STAT4: variants seen among roughly 807,000 people sequenced by gnomAD.
STAT4 encodes the protein signal transducer and activator of transcription 4.
Under a neutral mutation model 110.5 loss-of-function variants are expected in STAT4, and 42 were observed. That is an observed-to-expected ratio of 0.38 (90% confidence interval 0.30 to 0.49). STAT4 has a LOEUF of 0.49. Among genes scored for constraint, STAT4 ranks in the 20% least tolerant of loss-of-function variants. The pLI is 0.95. For synonymous variants in STAT4, 284 were observed against 302.2 expected (o/e 0.94, Z 0.63); for missense variants, 632 against 887.9 (o/e 0.71, Z 3.66).
Position 191,069,784 on chromosome 2 carries a change from G to GA in STAT4, c.466-14dup. On this transcript the variant is annotated splice_polypyrimidine_tract_variant and intron_variant, in intron 5 of 23. Coordinates refer to ENST00000392320, the MANE Select transcript of STAT4 (RefSeq NM_003151.4). ...CTTGTTCTGTCATCTTTTCACAAAA[G>GA]AAAACATACTCACTCTGCTGTCACA... 6.3e-7 allele frequency: 1 copy of GA among 1,590,128 alleles called. No individual in the cohort carries two copies. Among genetic ancestry groups the GA allele is most frequent in the Non-Finnish European group, 8.6e-7 (1 of 1,165,412 alleles).
At chr2:191,069,120 G>A (rs1331147787) in intron 6 of STAT4, among the ~76,000 whole-genome samples, 1 of 151,920 alleles carries the variant, frequency 6.6e-6, no homozygotes, top group Non-Finnish European at 1.5e-5. Flanking sequence ...TAAATACATA[G>A]ATGTGTATGT....
chr2:191,048,683 G>A (rs1418813073), intron 14 of STAT4, among the ~76,000 whole-genome samples: 2 of 150,728 alleles, frequency 1.3e-5, no homozygotes, highest in South Asian at 2.1e-4. Flanking sequence ...CTACTCAGGA[G>A]GCTGAGGCAG....
intron 3 of STAT4, among the ~76,000 whole-genome samples, chr2:191,133,816 T>C (rs1005233665): frequency 1.3e-5 from 2 of 150,100 alleles, no homozygotes; most frequent in Non-Finnish European, 2.9e-5. Context: ...AACTTACTCC[T>C]ACACAAAATC....
At chr2:191,047,162 G>C (rs1696375679) in intron 14 of STAT4, among the ~76,000 whole-genome samples, 1 of 152,226 alleles carries the variant, frequency 6.6e-6, no homozygotes, top group South Asian at 2.1e-4. Flanking sequence ...GTGCTAGGAG[G>C]GTGGCGCACC....
At chr2:191,128,839 A>AT (rs1292588216) in intron 3 of STAT4, among the ~76,000 whole-genome samples, 3 of 152,144 alleles carry the variant, frequency 2.0e-5, no homozygotes, top group East Asian at 3.8e-4. Flanking sequence ...ATTGATAGAG[A>AT]TTTTTTTATT....
rs12991409 is a variant in STAT4 at position 191,144,791 on chromosome 2, T to C, written c.273+1822A>G. Among the ~76,000 whole-genome samples, 12,359 of 152,202 alleles carry C rather than the reference T, an allele frequency of 0.081. 550 individuals are homozygous for C. The highest frequency in any genetic ancestry group is 0.18 in the East Asian group (923 of 5,176). ...ACCTACCAACAATAAGAATCATTTA[T>C]TGAATGCCTACATCTTGCCAGAAGA... On this transcript the variant is annotated intron_variant, in intron 3 of 23. Transcript: ENST00000392320. This position sits in a 1 kb window ranked among gnomAD's most constrained non-coding sequence, Gnocchi z 4.7.
Position 191,099,243 on chromosome 2 carries a change from G to A in STAT4, c.274-22918C>T, listed in dbSNP as rs547596655. ...TTGTTAATGAAGATATGGGGATGAG[G>A]GTCCTAGTACACTTTGCTGATGGAA... is the stretch of plus-strand genomic sequence containing the variant. On this transcript the variant is annotated intron_variant, in intron 3 of 23. Coordinates refer to ENST00000392320, the MANE Select transcript of STAT4 (RefSeq NM_003151.4). This position sits in a 1 kb window ranked among gnomAD's most constrained non-coding sequence, Gnocchi z 4.1. Among the ~76,000 whole-genome samples, 132 of 152,064 alleles carry A rather than the reference G, an allele frequency of 8.7e-4. No individual in the cohort carries two copies. Among genetic ancestry groups the A allele is most frequent in the Non-Finnish European group, 1.5e-3 (105 of 67,948 alleles).
At position 191,029,847 on chromosome 2, in the gene STAT4, G is replaced by A. The variant is rs768437698; in HGVS notation, c.2240C>T (p.Ala747Val). ...GCGTCAGAGTTTATCCTGTCATTCA[G>A]CAGAATAAGGAGACTTCATCTAAAA... Reference protein sequence around the residue: ...IETAMKSPYSAE With the variant: ...IETAMKSPYSVE Residue 747 changes from alanine to valine, a missense_variant, in exon 24 of 24, where the codon GCT (alanine) becomes GTT (valine). Transcript: ENST00000392320. The surrounding 1 kb of genome is among the most constrained non-coding windows in gnomAD (Gnocchi z 4.5). 1 of 1,597,766 alleles carries A rather than the reference G, an allele frequency of 6.3e-7. No individual in the cohort carries two copies. Among genetic ancestry groups the A allele is most frequent in the East Asian group, 2.3e-5 (1 of 44,328 alleles).
chr2:191,148,771 A>G (rs1361086553), intron 1 of STAT4, among the ~76,000 whole-genome samples: 1 of 152,128 alleles, frequency 6.6e-6, no homozygotes, highest in Non-Finnish European at 1.5e-5. Context: ...GAAGAATTTT[A>G]TGTATGCATT....
chr2:191,033,199 T>G lies in STAT4; in HGVS notation c.1853-50A>C. 1.3e-6 allele frequency: 2 copies of G among 1,561,110 alleles called. No homozygotes were observed. Among genetic ancestry groups the G allele is most frequent in the Non-Finnish European group, 1.7e-6 (2 of 1,149,030 alleles). Reference sequence around the variant, plus strand: ...TATACAGGTTCCTGTACACATTCCTTGTGACCATTTCTTCCCTGCCCACAT... The same window carrying G: ...TATACAGGTTCCTGTACACATTCCTGGTGACCATTTCTTCCCTGCCCACAT... On this transcript the variant is annotated intron_variant, in intron 20 of 23. Coordinates refer to ENST00000392320, the MANE Select transcript of STAT4 (RefSeq NM_003151.4). This position sits in a 1 kb window ranked among gnomAD's most constrained non-coding sequence, Gnocchi z 6.9.
intron 3 of STAT4, among the ~76,000 whole-genome samples, chr2:191,106,252 C>A (rs1698277162): frequency 6.6e-6 from 1 of 151,820 alleles, no homozygotes; most frequent in African/African-American, 2.4e-5. Flanking sequence ...GCTTTTGTGG[C>A]TTTTTTGGCA....
At position 191,138,400 on chromosome 2, in the gene STAT4, T is replaced by A. The variant is rs62181460; in HGVS notation, c.273+8213A>T. ...AGAAGAGAGAAGATCCAAATAAGAT[T>A]TCATTTCGCATCGAGAAATGAAACT... On this transcript the variant is annotated intron_variant, in intron 3 of 23. Coordinates refer to ENST00000392320, the MANE Select transcript of STAT4 (RefSeq NM_003151.4). This position sits in a 1 kb window ranked among gnomAD's most constrained non-coding sequence, Gnocchi z 4.3. 0.36 allele frequency among the ~76,000 whole-genome samples: 54,742 copies of A among 151,950 alleles called. 10,092 individuals are homozygous for A. Among genetic ancestry groups the A allele is most frequent in the East Asian group, 0.5 (2,597 of 5,168 alleles).
Position 191,135,212 on chromosome 2 carries a change from A to G in STAT4, c.273+11401T>C, listed in dbSNP as rs567989622. Among the ~76,000 whole-genome samples, 10 of 152,208 alleles carry G rather than the reference A, an allele frequency of 6.6e-5. No individual in the cohort carries two copies. The highest frequency in any genetic ancestry group is 2.6e-4 in the Admixed American group (4 of 15,282). On this transcript the variant is annotated intron_variant, in intron 3 of 23. Transcript: ENST00000392320. The surrounding 1 kb of genome is among the most constrained non-coding windows in gnomAD (Gnocchi z 4.8). ...CAAATAAATAAAATCAGAAATGAAAAAGGAGACATTACAACTGACATCACG... is the reference window on the plus strand; with the variant it reads ...CAAATAAATAAAATCAGAAATGAAAGAGGAGACATTACAACTGACATCACG...
intron 3 of STAT4, among the ~76,000 whole-genome samples, chr2:191,129,961 C>T (rs561625057): frequency 2.6e-5 from 4 of 152,076 alleles, no homozygotes; most frequent in African/African-American, 9.7e-5. Flanking sequence ...CTTATGTAGT[C>T]TATTTCCACT....
chr2:191,130,465 G>A (rs960266629), intron 3 of STAT4, among the ~76,000 whole-genome samples: 13 of 151,530 alleles, frequency 8.6e-5, no homozygotes, highest in African/African-American at 2.9e-4. Context: ...CTCGTGATCC[G>A]CCCGCCTCGG....
At chr2:191,096,652 C>T (rs897568684) in intron 3 of STAT4, among the ~76,000 whole-genome samples, 5 of 152,232 alleles carry the variant, frequency 3.3e-5, no homozygotes, top group Non-Finnish European at 7.4e-5. Flanking sequence ...GAAAAACCTA[C>T]AGCCAATATC....
chr2:191,049,883 CA>C (rs1696472107), intron 14 of STAT4, among the ~76,000 whole-genome samples: 1 of 152,160 alleles, frequency 6.6e-6, no homozygotes, highest in Admixed American at 6.5e-5. Context: ...ATTTCTCCCT[CA>C]AAAAAGTGTT....
At chr2:191,097,705 C>T (rs1304233681) in intron 3 of STAT4, among the ~76,000 whole-genome samples, 4 of 152,152 alleles carry the variant, frequency 2.6e-5, no homozygotes, top group Non-Finnish European at 5.9e-5. Context: ...AGGACATAGG[C>T]ATGAGCAAGT....
chr2:191,078,734 T>G (rs1697384459), intron 3 of STAT4, among the ~76,000 whole-genome samples: 1 of 152,180 alleles, frequency 6.6e-6, no homozygotes, highest in South Asian at 2.1e-4. Flanking sequence ...GTGTATCAGT[T>G]TCTCATGCAA....
Sources: allele counts gnomAD v4.1 joint callset (sites outside exome capture counted in the v4.1 genomes callset), GRCh38; gene constraint gnomAD v4.1.1; non-coding constraint Gnocchi (gnomAD v3.1); transcripts MANE v1.5; gene names NCBI Gene and HGNC (gene_info 2026-07-23, HGNC 2026-07-21).